The following ASIC2 variants were observed in gnomAD, a reference collection of about 807,000 sequenced individuals.
ASIC2 encodes the protein acid-sensing ion channel 2.
A neutral mutation model predicts 57.3 loss-of-function variants in ASIC2; 25 were observed. The observed-to-expected ratio is 0.44, with a 90% CI of 0.32 to 0.61. The LOEUF (loss-of-function observed/expected upper bound fraction) is 0.61. Ranked by LOEUF, ASIC2 falls within the 20% of genes least tolerant of loss-of-function variation. The pLI is 0.06. For synonymous variants in ASIC2, 319 were observed against 307.5 expected, an observed-to-expected ratio of 1.04 and a Z score of -0.39; for missense variants, 641 against 738.1, an observed-to-expected ratio of 0.87 and a Z score of 1.52.
rs183545558 is a variant in ASIC2, at chr17:33,179,264, T to G, written c.709-67197A>C. Among the ~76,000 whole-genome samples, 544 of 152,296 alleles carry G rather than the reference T, an allele frequency of 3.6e-3. 5 individuals carry two copies. Among genetic ancestry groups the G allele is most frequent in the African/African-American group, 0.012 (504 of 41,572 alleles). ...CATACTTAATACCCCCTGTGAGATTTCTGGCAGATTTGTGGCTGGCAGTTA... is the reference window on the plus strand; with the variant it reads ...CATACTTAATACCCCCTGTGAGATTGCTGGCAGATTTGTGGCTGGCAGTTA... On this transcript the variant is annotated intron_variant, in intron 1 of 9. Transcript: ENST00000225823.
intron 1 of ASIC2, among the ~76,000 whole-genome samples, chr17:34,014,508 A>C (rs1343377111): frequency 6.6e-6 from 1 of 152,160 alleles, no homozygotes; most frequent in African/African-American, 2.4e-5. Flanking sequence ...GGGTGCCCTA[A>C]ATATGAACTC....
chr17:34,026,246 A>C (rs901272800), intron 1 of ASIC2, among the ~76,000 whole-genome samples: 1 of 152,170 alleles, frequency 6.6e-6, no homozygotes, highest in Non-Finnish European at 1.5e-5. Context: ...TGTATTCCCA[A>C]CAGCAGTATG....
rs181007364 is a variant in ASIC2, at chr17:33,169,487, C to T, written c.709-57420G>A. Among the ~76,000 whole-genome samples the T allele has an allele frequency of 3.9e-3, 590 of 152,354 alleles. 8 individuals carry two copies. Among genetic ancestry groups the T allele is most frequent in the African/African-American group, 0.011 (476 of 41,582 alleles). ...GTGCCTTACAGACAGCAAGCCTTCACTAAAAGTTAGCAATTTTGGTTACAA... is the reference window on the plus strand; with the variant it reads ...GTGCCTTACAGACAGCAAGCCTTCATTAAAAGTTAGCAATTTTGGTTACAA... On this transcript the variant is annotated intron_variant, in intron 1 of 9. Transcript: ENST00000225823.
At chr17:33,157,869 C>A (rs1434870447) in intron 1 of ASIC2, among the ~76,000 whole-genome samples, 2 of 152,220 alleles carry the variant, frequency 1.3e-5, no homozygotes, top group Admixed American at 6.5e-5. Flanking sequence ...TACTGCCCTG[C>A]AAAAGGTAGA....
chr17:33,319,833 C>G (rs1345190079), intron 1 of ASIC2, among the ~76,000 whole-genome samples: 1 of 152,152 alleles, frequency 6.6e-6, no homozygotes. Context: ...TGTGCCTGGT[C>G]TCCATTAATT....
rs1256005876 is a variant in ASIC2 at position 33,013,179 on chromosome 17, C to T, written c.*786G>A. On this transcript the variant is annotated 3_prime_UTR_variant, in exon 10 of 10. Coordinates refer to ENST00000225823, the MANE Select transcript of ASIC2 (RefSeq NM_183377.2). The stretch of plus-strand genomic sequence containing the variant: ...GGAAAAACCAAAGCAAACCTCAGAA[C>T]ATCAAAACTAAAATAAAAAAGCATA... 6.6e-6 allele frequency: 1 copy of T among 152,230 alleles called. No homozygotes were observed. Among genetic ancestry groups the T allele is most frequent in the African/African-American group, 2.4e-5 (1 of 41,422 alleles). The allele number at this position is 152,230 out of a possible 1,614,324, so 9.4% of individuals were successfully genotyped here.
At chr17:33,131,990 A>C (rs1225026204) in intron 1 of ASIC2, among the ~76,000 whole-genome samples, 9 of 152,156 alleles carry the variant, frequency 5.9e-5, no homozygotes, top group Admixed American at 2.0e-4. Context: ...CCATCTCCCA[A>C]GCATCAAGAG....
intron 1 of ASIC2, among the ~76,000 whole-genome samples, chr17:33,347,968 G>A (rs1172592884): frequency 1.3e-5 from 2 of 152,098 alleles, no homozygotes; most frequent in African/African-American, 4.8e-5. Context: ...CAGGCATGGT[G>A]GTGCACACCT....
intron 1 of ASIC2, among the ~76,000 whole-genome samples, chr17:33,404,077 T>C (rs1042449477): frequency 4.6e-5 from 7 of 152,210 alleles, no homozygotes; most frequent in African/African-American, 1.7e-4. Context: ...GATATTCGTG[T>C]TTAAAAGACC....
chr17:33,282,463 G>GTGTGTGTGTA (rs1567809452), intron 1 of ASIC2, among the ~76,000 whole-genome samples: 1 of 88,922 alleles, frequency 1.1e-5, no homozygotes, highest in Non-Finnish European at 2.3e-5. Flanking sequence ...ATGTGTGTGT[G>GTGTGTGTGTA]TGTGTGTGTG....
intron 1 of ASIC2, among the ~76,000 whole-genome samples, chr17:33,662,572 G>A (rs979179696): frequency 2.0e-5 from 3 of 151,352 alleles, no homozygotes; most frequent in African/African-American, 4.9e-5. Context: ...GCAGTGAGCC[G>A]AGATCATGCC....
At chr17:33,945,738 G>A (rs1904355269) in intron 1 of ASIC2, among the ~76,000 whole-genome samples, 1 of 152,138 alleles carries the variant, frequency 6.6e-6, no homozygotes, top group Non-Finnish European at 1.5e-5. Context: ...GAAGCTCCGT[G>A]ATCTGACTCA....
intron 1 of ASIC2, among the ~76,000 whole-genome samples, chr17:33,882,614 G>T (rs1914731063): frequency 6.6e-6 from 1 of 152,122 alleles, no homozygotes; most frequent in Non-Finnish European, 1.5e-5. Flanking sequence ...GGAAACAACA[G>T]GTGCTGGAGA....
At chr17:33,318,053 G>A (rs1453027892) in intron 1 of ASIC2, among the ~76,000 whole-genome samples, 1 of 152,104 alleles carries the variant, frequency 6.6e-6, no homozygotes, top group African/African-American at 2.4e-5. Context: ...GTCGCATTTG[G>A]GTAGAGTCTG....
At chr17:34,117,226 A>G (rs1450636013) in intron 1 of ASIC2, among the ~76,000 whole-genome samples, 4 of 152,310 alleles carry the variant, frequency 2.6e-5, no homozygotes, top group East Asian at 3.9e-4. Context: ...AGAAAGATGA[A>G]TAAGGTCTTA....
intron 3 of ASIC2, among the ~76,000 whole-genome samples, chr17:33,030,050 T>C (rs2141905247): frequency 6.6e-6 from 1 of 152,358 alleles, no homozygotes; most frequent in Non-Finnish European, 1.5e-5. Flanking sequence ...ATTGTAAATA[T>C]TTTGTCCATA....
At chr17:33,506,408 G>A (rs1008704005) in intron 1 of ASIC2, among the ~76,000 whole-genome samples, 8 of 144,062 alleles carry the variant, frequency 5.6e-5, no homozygotes, top group African/African-American at 1.8e-4. Context: ...GCAGGACTCC[G>A]TCTCAAAAAA....
intron 1 of ASIC2, among the ~76,000 whole-genome samples, chr17:34,073,737 T>C (rs1450010660): frequency 6.6e-6 from 1 of 152,210 alleles, no homozygotes; most frequent in Non-Finnish European, 1.5e-5. Flanking sequence ...ACTCAGCTTG[T>C]CTATCTAGAG....
intron 1 of ASIC2, among the ~76,000 whole-genome samples, chr17:33,236,538 G>A (rs1908303286): frequency 1.3e-5 from 2 of 151,756 alleles, no homozygotes; most frequent in South Asian, 4.2e-4. Flanking sequence ...ATGAGGTCTT[G>A]CTATGTTGCC....
Sources: gnomAD v4.1 joint callset for allele counts (sites outside exome capture counted in the v4.1 genomes callset) on GRCh38, gnomAD v4.1.1 for gene constraint, MANE v1.5 for transcripts, NCBI Gene and HGNC (gene_info 2026-07-23, HGNC 2026-07-21) for gene names.